Variants in MERTK observed in about 807,000 individuals in gnomAD.
The protein encoded by MERTK is tyrosine-protein kinase Mer.
In MERTK, 69 loss-of-function variants were observed where a neutral mutation model predicts 99.3. That is an observed-to-expected ratio of 0.70 (90% CI 0.57 to 0.85). The LOEUF (loss-of-function observed/expected upper bound fraction) is 0.85. Among genes scored for constraint, MERTK ranks in the 40% least tolerant of loss-of-function variants. The pLI is 0.00. For synonymous variants in MERTK, 426 were observed against 467.6 expected (o/e 0.91, Z 1.15); for missense variants, 1,125 against 1,249.4 (o/e 0.90, Z 1.50).
intron 4 of MERTK, among the ~76,000 whole-genome samples, chr2:111,953,117 G>A (rs1685086873): frequency 6.6e-6 from 1 of 152,160 alleles, no homozygotes; most frequent in African/African-American, 2.4e-5. Context: ...ACCAGAAGGT[G>A]CTTCTGAATG....
At chr2:111,935,707 TG>T (rs1403340137) in intron 2 of MERTK, among the ~76,000 whole-genome samples, 3 of 151,674 alleles carry the variant, frequency 2.0e-5, no homozygotes, top group African/African-American at 7.3e-5. Context: ...TTAATAGTAA[TG>T]TATGTATTTT....
At position 111,917,624 on chromosome 2, in the gene MERTK, C is replaced by T. The variant is rs775816926; in HGVS notation, c.62-11496C>T. ...AGACGAGGCCAGGCGCAGTGGCCGA[C>T]GCCTGTAATCCCAGCACTTTGGGAG... On this transcript the variant is annotated intron_variant, in intron 1 of 18. Transcript: ENST00000295408. Among the ~76,000 whole-genome samples the T allele has an allele frequency of 9.9e-5, 15 of 152,242 alleles. No homozygotes were observed. The South Asian group carries it at 1.2e-3, about 13-fold the overall frequency.
intron 1 of MERTK, among the ~76,000 whole-genome samples, chr2:111,907,030 A>G (rs1490116876): frequency 1.3e-5 from 2 of 151,506 alleles, no homozygotes; most frequent in Non-Finnish European, 1.5e-5. Flanking sequence ...CCTGAGTTTG[A>G]CCCTCAGCCC....
Position 112,019,443 on chromosome 2 carries a change from ATGG to A in MERTK, c.2114_2116del (p.Val705del). The A allele has an allele frequency of 1.2e-6, 2 of 1,613,490 alleles. No individual in the cohort carries two copies. Among genetic ancestry groups the A allele is most frequent in the Non-Finnish European group, 1.7e-6 (2 of 1,179,536 alleles). On this transcript the variant is annotated inframe_deletion, in exon 16 of 19. Transcript: ENST00000295408. ...TCCTCTGCAGACACTATTGAAGTTC[ATGG>A]TGGATATTGCCCTGGGAATGGAGTA... is the stretch of plus-strand genomic sequence containing the variant.
At position 112,028,736 on chromosome 2, in the gene MERTK, C is replaced by T; in HGVS notation, c.2872C>T (p.Pro958Ser). ...CACAGCTGAAAAGAACAGTGTTTTA[C>T]CGGGGGAGAGACTTGTTAGGAATGG... ...AVTAEKNSVL[P>S]GERLVRNGVS... The change falls in exon 19 of 19, where the codon CCG (proline) becomes TCG (serine). Residue 958 changes from proline (P) to serine (S), a missense_variant. Pro to Ser is a moderately conservative substitution (Grantham distance 74). Transcript: ENST00000295408. The T allele has an allele frequency of 3.1e-6, 5 of 1,614,132 alleles. No homozygotes were observed. Among genetic ancestry groups the T allele is most frequent in the Non-Finnish European group, 2.5e-6 (3 of 1,180,024 alleles).
chr2:112,009,619 G>A (rs1012184966), intron 14 of MERTK, among the ~76,000 whole-genome samples: 13 of 152,116 alleles, frequency 8.5e-5, no homozygotes, highest in African/African-American at 3.1e-4. Flanking sequence ...CATTTCCTAG[G>A]CCTCCTTATC....
chr2:111,957,909 G>A (rs1685179589), intron 4 of MERTK, among the ~76,000 whole-genome samples: 1 of 152,170 alleles, frequency 6.6e-6, no homozygotes, highest in Admixed American at 6.5e-5. Context: ...CAAAGAACTG[G>A]CTCAACTGTG....
At position 112,028,820 on chromosome 2, in the gene MERTK, T is replaced by C. The variant is rs1677524302; in HGVS notation, c.2956T>C (p.Leu986=). The change falls in exon 19 of 19, where the codon TTG becomes CTG. Residue 986 remains leucine, a synonymous_variant. Transcript: ENST00000295408. ...PLGSSLPDEL[L]FADDSSEGSE... is the part of the protein sequence containing the mutation. ...GGGAAGCTCATTGCCCGATGAACTT[T>C]TGTTTGCTGACGACTCCTCAGAAGG... 6.2e-7 allele frequency: 1 copy of C among 1,613,896 alleles called. No homozygotes were observed. Among genetic ancestry groups the C allele is most frequent in the Admixed American group, 1.7e-5 (1 of 59,984 alleles).
chr2:111,951,797 AG>A (rs1685063255), intron 4 of MERTK, among the ~76,000 whole-genome samples: 1 of 152,114 alleles, frequency 6.6e-6, no homozygotes, highest in African/African-American at 2.4e-5. Flanking sequence ...TTTCATCAAC[AG>A]TGTACAGCCA....
chr2:111,917,201 G>T (rs1050074847), intron 1 of MERTK, among the ~76,000 whole-genome samples: 8 of 152,166 alleles, frequency 5.3e-5, no homozygotes, highest in African/African-American at 1.9e-4. Context: ...GGGATGGAAG[G>T]CCTGGCTCCC....
chr2:112,021,056 C>T lies in MERTK; in HGVS notation c.2190-366C>T, dbSNP rs938386023. ...TAAAAAAAAAAAAAAAAAAATTAGC[C>T]GGCTGTGGTAGTGTGTACCTGTAAT... On this transcript the variant is annotated intron_variant, in intron 16 of 18. Coordinates refer to ENST00000295408, the MANE Select transcript of MERTK (RefSeq NM_006343.3). 2.0e-4 allele frequency among the ~76,000 whole-genome samples: 30 copies of T among 151,576 alleles called. 1 individual carries two copies. The highest frequency in any genetic ancestry group is 6.8e-3 in the Middle Eastern group (2 of 292).
intron 4 of MERTK, among the ~76,000 whole-genome samples, chr2:111,947,919 G>A (rs1684990343): frequency 6.6e-6 from 1 of 152,068 alleles, no homozygotes; most frequent in Non-Finnish European, 1.5e-5. Flanking sequence ...CTGACGTGAA[G>A]ACCTCAGTGG....
intron 4 of MERTK, among the ~76,000 whole-genome samples, chr2:111,959,481 T>G (rs1406781427): frequency 6.6e-6 from 1 of 152,086 alleles, no homozygotes; most frequent in Non-Finnish European, 1.5e-5. Context: ...TTCTTTTTGG[T>G]TTTTTGTTTG....
At chr2:111,963,136 G>T (rs1685284569) in intron 4 of MERTK, among the ~76,000 whole-genome samples, 1 of 152,004 alleles carries the variant, frequency 6.6e-6, no homozygotes, top group South Asian at 2.1e-4. Context: ...ACAAGGTAAA[G>T]AATTAAGTGC....
chr2:111,969,590 G>A lies in MERTK; in HGVS notation c.960+1338G>A, dbSNP rs567085014. Among the ~76,000 whole-genome samples, 47 of 151,942 alleles carry A rather than the reference G, an allele frequency of 3.1e-4. 1 individual carries two copies. Among genetic ancestry groups the A allele is most frequent in the South Asian group, 8.3e-4 (4 of 4,812 alleles). On this transcript the variant is annotated intron_variant, in intron 6 of 18. Coordinates refer to ENST00000295408, the MANE Select transcript of MERTK (RefSeq NM_006343.3). The stretch of plus-strand genomic sequence containing the variant: ...TCAAATTAATTTCTCTGTTCTTAAC[G>A]CCTCCCACTTTTATCTAACAGGTGT...
chr2:112,000,510 C>T (rs1050426006), intron 10 of MERTK, among the ~76,000 whole-genome samples: 1 of 152,058 alleles, frequency 6.6e-6, no homozygotes, highest in Non-Finnish European at 1.5e-5. Flanking sequence ...GTAGGATGCC[C>T]CTCTATTGCA....
At chr2:111,983,635 A>C (rs901978257) in intron 8 of MERTK, among the ~76,000 whole-genome samples, 1 of 152,228 alleles carries the variant, frequency 6.6e-6, no homozygotes, top group African/African-American at 2.4e-5. Flanking sequence ...ACCAAGTCCC[A>C]TTGGGCAATG....
At chr2:111,908,697 C>T (rs56352530) in intron 1 of MERTK, among the ~76,000 whole-genome samples, 5,058 of 152,222 alleles carry the variant, frequency 0.033, 124 homozygotes, top group Middle Eastern at 0.092. Flanking sequence ...TGACAGCAAC[C>T]AGGTTGGGAT....
intron 6 of MERTK, among the ~76,000 whole-genome samples, chr2:111,970,206 G>C (rs560181227): frequency 6.6e-6 from 1 of 151,486 alleles, no homozygotes; most frequent in East Asian, 2.0e-4. Context: ...ACCTAGGCTG[G>C]AGTGCAGTGG....
Sources: gnomAD v4.1 joint callset for allele counts (sites outside exome capture counted in the v4.1 genomes callset) on GRCh38, gnomAD v4.1.1 for gene constraint, MANE v1.5 for transcripts, NCBI Gene and HGNC (gene_info 2026-07-23, HGNC 2026-07-21) for gene names.